Variants in PIAS1 observed in about 807,000 individuals in gnomAD.
The protein encoded by PIAS1 is E3 SUMO-protein ligase PIAS1.
Under a neutral mutation model 71.3 loss-of-function variants are expected in PIAS1, and 6 were observed. The observed-to-expected ratio is 0.08, with a 90% CI of 0.05 to 0.17. The LOEUF (loss-of-function observed/expected upper bound fraction) is 0.17, where lower values mean the gene tolerates loss of function less well. Ranked by LOEUF, PIAS1 falls within the 10% of genes least tolerant of loss-of-function variation. The pLI, the probability that PIAS1 is intolerant of heterozygous loss-of-function variation, is 1.00. For synonymous variants in PIAS1, 303 were observed against 292.9 expected, an observed-to-expected ratio of 1.03 and a Z score of -0.35; for missense variants, 555 against 793.6, an observed-to-expected ratio of 0.70 and a Z score of 3.61.
chr15:68,170,250 C>A (rs980640065), intron 8 of PIAS1, among the ~76,000 whole-genome samples: 1 of 152,052 alleles, frequency 6.6e-6, no homozygotes, highest in Non-Finnish European at 1.5e-5. Context: ...TGTTGTTATT[C>A]AACAAAAGCA....
chr15:68,129,418 A>C (rs2092673579), intron 2 of PIAS1, among the ~76,000 whole-genome samples: 1 of 152,186 alleles, frequency 6.6e-6, no homozygotes, highest in Non-Finnish European at 1.5e-5. Flanking sequence ...TATATACTTG[A>C]CCGTAAACAT....
chr15:68,100,822 C>G (rs2092417150), intron 2 of PIAS1, among the ~76,000 whole-genome samples: 1 of 151,818 alleles, frequency 6.6e-6, no homozygotes, highest in African/African-American at 2.4e-5. Context: ...GCATTTGATG[C>G]TATCACTATT....
chr15:68,058,321 C>T (rs1314410930), intron 1 of PIAS1, among the ~76,000 whole-genome samples: 3 of 152,168 alleles, frequency 2.0e-5, no homozygotes, highest in Non-Finnish European at 4.4e-5. Flanking sequence ...TTATATAGTA[C>T]TTTGCAGTTC....
Position 68,173,193 on chromosome 15 carries a change from T to C in PIAS1, c.1009-539T>C, listed in dbSNP as rs962306039. Reference sequence around the variant, plus strand: ...ATTTTTTTTGGATCAAGGACTGCTTTAAGAATTTGAGAAAAGCCGGGCACA... The same window carrying C: ...ATTTTTTTTGGATCAAGGACTGCTTCAAGAATTTGAGAAAAGCCGGGCACA... On this transcript the variant is annotated intron_variant, in intron 8 of 13. Transcript: ENST00000249636. The surrounding 1 kb of genome is among the most constrained non-coding windows in gnomAD (Gnocchi z 4.3). Among the ~76,000 whole-genome samples, 1 of 152,170 alleles carries C rather than the reference T, an allele frequency of 6.6e-6. No individual in the cohort carries two copies. The highest frequency in any genetic ancestry group is 1.5e-5 in the Non-Finnish European group (1 of 68,030).
intron 2 of PIAS1, among the ~76,000 whole-genome samples, chr15:68,121,680 G>C (rs181282020): frequency 2.0e-5 from 3 of 152,148 alleles, no homozygotes; most frequent in Admixed American, 1.3e-4. Flanking sequence ...AACTTAATCT[G>C]CTCTCTGTAT....
intron 2 of PIAS1, among the ~76,000 whole-genome samples, chr15:68,135,011 CA>C (rs2092715555): frequency 2.1e-5 from 1 of 47,210 alleles, no homozygotes; most frequent in African/African-American, 4.4e-5. Flanking sequence ...GCTGGCCGGG[CA>C]GAGGGGCTCC....
rs2093031088 is a variant in PIAS1, at chr15:68,178,072, T to A, written c.1481+1418T>A. Among the ~76,000 whole-genome samples the A allele has an allele frequency of 6.6e-6, 1 of 152,176 alleles. No individual in the cohort carries two copies. The highest frequency in any genetic ancestry group is 2.1e-4 in the South Asian group (1 of 4,826). On this transcript the variant is annotated intron_variant, in intron 11 of 13. Transcript: ENST00000249636. The surrounding 1 kb of genome is among the most constrained non-coding windows in gnomAD (Gnocchi z 4.2). ...TGATGAGATTAAAGATTTCTATCAG[T>A]TTGAGACCAGCCTGGGCAACATGGT...
chr15:68,114,285 G>C (rs2092547410), intron 2 of PIAS1, among the ~76,000 whole-genome samples: 1 of 151,844 alleles, frequency 6.6e-6, no homozygotes, highest in South Asian at 2.1e-4. Flanking sequence ...TTTTATGACT[G>C]TATTCTCATA....
chr15:68,144,389 T>C lies in PIAS1; in HGVS notation c.603-1427T>C, dbSNP rs1253838424. ...TTTCATTTATGTTGTGCCTCCCTGC[T>C]CCACTCCCTCCTCTCTGCCCCATGA... On this transcript the variant is annotated intron_variant, in intron 4 of 13. Coordinates refer to ENST00000249636, the MANE Select transcript of PIAS1 (RefSeq NM_016166.3). Among the ~76,000 whole-genome samples the C allele has an allele frequency of 3.9e-5, 6 of 152,266 alleles. No individual in the cohort carries two copies. In the East Asian group the frequency reaches 1.2e-3, roughly 29 times the overall value.
chr15:68,191,340 A>G lies in PIAS1; in HGVS notation c.*3505A>G, dbSNP rs1164270060. The G allele has an allele frequency of 1.3e-5, 2 of 152,694 alleles. No individual in the cohort carries two copies. Among genetic ancestry groups the G allele is most frequent in the Admixed American group, 1.3e-4 (2 of 15,290 alleles). The allele number at this position is 152,694 out of a possible 1,614,324, so 9.5% of individuals were successfully genotyped here. ...TTAAAAATGTATAGTAGACAATGTC[A>G]GTTTGTATAAAAGTACCAAGTGAAA... is the stretch of plus-strand genomic sequence containing the variant. On this transcript the variant is annotated 3_prime_UTR_variant, in exon 14 of 14. Transcript: ENST00000249636.
At chr15:68,065,350 GA>G (rs2092006083) in intron 1 of PIAS1, among the ~76,000 whole-genome samples, 3 of 152,054 alleles carry the variant, frequency 2.0e-5, no homozygotes, top group Non-Finnish European at 4.4e-5. Flanking sequence ...TGCTTTGGGG[GA>G]GACCTAGGCA....
rs146843336 is a variant in PIAS1 at position 68,120,520 on chromosome 15, G to T, written c.470-21426G>T. Among the ~76,000 whole-genome samples the T allele has an allele frequency of 4.0e-3, 612 of 152,040 alleles. 5 individuals are homozygous for T. Among genetic ancestry groups the T allele is most frequent in the Non-Finnish European group, 5.8e-3 (394 of 67,970 alleles). ...TGTGTTATTTTAGTGGATGCTTTAG[G>T]TTTTGTAGTATACGTCTTTAATTCG... On this transcript the variant is annotated intron_variant, in intron 2 of 13. Transcript: ENST00000249636.
intron 2 of PIAS1, among the ~76,000 whole-genome samples, chr15:68,135,327 C>G (rs1448490163): frequency 9.6e-5 from 3 of 31,290 alleles, no homozygotes; most frequent in Admixed American, 2.3e-4. Flanking sequence ...GGGCAGAGGC[C>G]CCCCTCACCT....
At position 68,191,991 on chromosome 15, in the gene PIAS1, T is replaced by A. The variant is rs2141117779; in HGVS notation, c.*4156T>A. 1 of 152,340 alleles carries A rather than the reference T, an allele frequency of 6.6e-6. No individual in the cohort carries two copies. Among genetic ancestry groups the A allele is most frequent in the Non-Finnish European group, 1.5e-5 (1 of 68,034 alleles). The allele number at this position is 152,340 out of a possible 1,614,324, so 9.4% of individuals were successfully genotyped here. ...CAGATTCCTGTTAGGCAAATGAGAT[T>A]CATAAAACTTGCTTTAAAACCATAC... is the stretch of plus-strand genomic sequence containing the variant. On this transcript the variant is annotated 3_prime_UTR_variant, in exon 14 of 14. Coordinates refer to ENST00000249636, the MANE Select transcript of PIAS1 (RefSeq NM_016166.3).
At chr15:68,107,138 C>CTT (rs2092478651) in intron 2 of PIAS1, among the ~76,000 whole-genome samples, 1 of 152,140 alleles carries the variant, frequency 6.6e-6, no homozygotes. Context: ...CATAATATTT[C>CTT]TTCTTCTGAA....
At chr15:68,121,944 A>G (rs28656984) in intron 2 of PIAS1, among the ~76,000 whole-genome samples, 65,853 of 151,884 alleles carry the variant, frequency 0.43, 15,170 homozygotes, top group East Asian at 0.8. Flanking sequence ...CCTGGGTGAT[A>G]TGGCGAAACT....
At chr15:68,149,473 G>C (rs1225795617) in intron 6 of PIAS1, among the ~76,000 whole-genome samples, 2 of 151,860 alleles carry the variant, frequency 1.3e-5, no homozygotes, top group African/African-American at 4.8e-5. Context: ...TTAAGTTAGG[G>C]AGAATTTATT....
intron 2 of PIAS1, among the ~76,000 whole-genome samples, chr15:68,114,029 TACACAC>T (rs58536041): frequency 0.22 from 27,488 of 125,202 alleles, 3,359 homozygotes; most frequent in East Asian, 0.56. Context: ...ATATATTTCA[TACACAC>T]ACACACACAC....
intron 1 of PIAS1, among the ~76,000 whole-genome samples, chr15:68,065,446 C>T (rs1162620638): frequency 6.6e-6 from 1 of 151,906 alleles, no homozygotes; most frequent in Non-Finnish European, 1.5e-5. Context: ...AAAAAATTAG[C>T]TGGGCATGTT....
Sources: gnomAD v4.1 joint callset for allele counts (sites outside exome capture counted in the v4.1 genomes callset) on GRCh38, gnomAD v4.1.1 for gene constraint, Gnocchi (gnomAD v3.1) non-coding constraint, MANE v1.5 for transcripts, NCBI Gene and HGNC (gene_info 2026-07-23, HGNC 2026-07-21) for gene names.